PCSK2: variants seen among roughly 807,000 people sequenced by gnomAD.
PCSK2 encodes the protein proprotein convertase subtilisin/kexin type 2, also known as neuroendocrine convertase 2.
A neutral mutation model predicts 69.7 loss-of-function variants in PCSK2; 14 were observed. The ratio of observed to expected loss-of-function variants is 0.20; its 90% CI spans 0.13 to 0.31. PCSK2 has a LOEUF of 0.31. Ranked by LOEUF, PCSK2 falls within the 10% of genes least tolerant of loss-of-function variation. PCSK2 has a pLI of 1.00. For synonymous variants in PCSK2, 307 were observed against 320.7 expected (o/e 0.96, Z 0.46); for missense variants, 544 against 842.5 (o/e 0.65, Z 4.39).
At chr20:17,387,296 A>T (rs1023120509) in intron 5 of PCSK2, among the ~76,000 whole-genome samples, 7 of 152,182 alleles carry the variant, frequency 4.6e-5, no homozygotes, top group African/African-American at 1.7e-4. Flanking sequence ...ATTACCCCCA[A>T]AACATGGCAG....
intron 11 of PCSK2, chr20:17,479,221 C>A (rs918130326): frequency 1.5e-6 from 2 of 1,343,790 alleles, no homozygotes; most frequent in African/African-American, 2.9e-5. Context: ...CTCTTCTGGA[C>A]CACTGCACAT....
chr20:17,371,845 A>G (rs1226370412), intron 5 of PCSK2, among the ~76,000 whole-genome samples: 1 of 152,130 alleles, frequency 6.6e-6, no homozygotes, highest in African/African-American at 2.4e-5. Context: ...GTTGTTTCCA[A>G]TCAGTGTTTC....
chr20:17,265,245 T>C (rs1231263717), intron 2 of PCSK2, among the ~76,000 whole-genome samples: 1 of 152,204 alleles, frequency 6.6e-6, no homozygotes, highest in African/African-American at 2.4e-5. Flanking sequence ...TGACCTCTAC[T>C]TACCATCACC....
intron 2 of PCSK2, among the ~76,000 whole-genome samples, chr20:17,322,286 T>C (rs190119184): frequency 1.3e-5 from 2 of 152,232 alleles, no homozygotes; most frequent in East Asian, 3.9e-4. Context: ...TTTGGGTTGG[T>C]AAGCATATGG....
chr20:17,278,871 A>T (rs74938374), intron 2 of PCSK2, among the ~76,000 whole-genome samples: 1 of 150,568 alleles, frequency 6.6e-6, no homozygotes, highest in Non-Finnish European at 1.5e-5. Context: ...TAACTTGCTC[A>T]CTTTCCTATC....
intron 1 of PCSK2, among the ~76,000 whole-genome samples, chr20:17,254,543 T>C (rs977606959): frequency 6.6e-6 from 1 of 152,232 alleles, no homozygotes; most frequent in Non-Finnish European, 1.5e-5. Flanking sequence ...GATTCAGTTT[T>C]ATTCCATTAA....
At chr20:17,475,349 A>G (rs777724224) in intron 11 of PCSK2, among the ~76,000 whole-genome samples, 3 of 151,890 alleles carry the variant, frequency 2.0e-5, no homozygotes, top group Admixed American at 6.6e-5. Flanking sequence ...GGGGATCTGA[A>G]TGAGGCACTA....
chr20:17,442,341 C>T (rs1396512147), intron 8 of PCSK2, among the ~76,000 whole-genome samples: 1 of 151,962 alleles, frequency 6.6e-6, no homozygotes, highest in African/African-American at 2.4e-5. Flanking sequence ...TTGTTTAAGC[C>T]ACTCAGTTTG....
intron 2 of PCSK2, among the ~76,000 whole-genome samples, chr20:17,270,980 T>C (rs747305551): frequency 7.9e-5 from 12 of 152,116 alleles, no homozygotes; most frequent in Non-Finnish European, 1.6e-4. Context: ...TCTGAGGTCC[T>C]AAATCTGAGA....
chr20:17,257,546 T>C (rs1193683685), intron 1 of PCSK2, among the ~76,000 whole-genome samples: 1 of 152,252 alleles, frequency 6.6e-6, no homozygotes, highest in African/African-American at 2.4e-5. Context: ...TTCTATAATG[T>C]GCCATTGAAT....
intron 2 of PCSK2, among the ~76,000 whole-genome samples, chr20:17,320,703 C>T (rs1173165566): frequency 6.6e-6 from 1 of 152,116 alleles, no homozygotes; most frequent in African/African-American, 2.4e-5. Context: ...GGAGGGTGCT[C>T]GGGGAGGATT....
intron 1 of PCSK2, among the ~76,000 whole-genome samples, chr20:17,240,192 C>G (rs544041230): frequency 2.6e-5 from 4 of 152,010 alleles, no homozygotes; most frequent in Admixed American, 6.5e-5. Context: ...GTTGCATTTA[C>G]TAAGTTTCAT....
At chr20:17,296,044 G>A (rs77027664) in intron 2 of PCSK2, among the ~76,000 whole-genome samples, 11,779 of 152,184 alleles carry the variant, frequency 0.077, 652 homozygotes, top group South Asian at 0.28. Flanking sequence ...AACCTCAGAG[G>A]GTGCAGGACT....
chr20:17,303,414 A>G (rs1244528458), intron 2 of PCSK2, among the ~76,000 whole-genome samples: 2 of 102,332 alleles, frequency 2.0e-5, no homozygotes, highest in African/African-American at 7.4e-5. Context: ...ATATATATGT[A>G]TGGTTATATA....
intron 2 of PCSK2, among the ~76,000 whole-genome samples, chr20:17,272,186 T>G (rs1192217256): frequency 6.6e-6 from 1 of 152,166 alleles, no homozygotes; most frequent in Non-Finnish European, 1.5e-5. Flanking sequence ...TTCCCATGCC[T>G]TCCTGATTAC....
chr20:17,366,912 T>C (rs1241606015), intron 4 of PCSK2, among the ~76,000 whole-genome samples: 1 of 152,178 alleles, frequency 6.6e-6, no homozygotes, highest in Non-Finnish European at 1.5e-5. Context: ...TACTATTTAT[T>C]GGAACATTTT....
intron 8 of PCSK2, among the ~76,000 whole-genome samples, chr20:17,446,041 G>A (rs2032693340): frequency 6.6e-6 from 1 of 152,158 alleles, no homozygotes; most frequent in African/African-American, 2.4e-5. Context: ...CCACCCTTTG[G>A]CGCTATTAGT....
chr20:17,469,238 A>C (rs2033160558), intron 11 of PCSK2, among the ~76,000 whole-genome samples: 1 of 152,210 alleles, frequency 6.6e-6, no homozygotes, highest in East Asian at 1.9e-4. Flanking sequence ...AGAGGCTGTA[A>C]ATGTGAGACT....
rs191340255 is a variant in PCSK2, at chr20:17,329,454, G to A, written c.283-28873G>A. On this transcript the variant is annotated intron_variant, in intron 2 of 11. Transcript: ENST00000262545. The stretch of plus-strand genomic sequence containing the variant: ...CAGAAGCAAGATCATTTTATATAGA[G>A]TTCTACTGTTAAAAACAAACACATT... 8.5e-4 allele frequency among the ~76,000 whole-genome samples: 129 copies of A among 152,266 alleles called. 2 individuals carry two copies. The highest frequency in any genetic ancestry group is 8.2e-3 in the Admixed American group (125 of 15,296).
Sources: gnomAD v4.1 joint callset for allele counts (sites outside exome capture counted in the v4.1 genomes callset) on GRCh38, gnomAD v4.1.1 for gene constraint, MANE v1.5 for transcripts, NCBI Gene and HGNC (gene_info 2026-07-23, HGNC 2026-07-21) for gene names.